PRKD1: variants seen among roughly 807,000 people sequenced by gnomAD.
PRKD1 encodes the protein protein kinase D1.
PRKD1 carries 63 observed loss-of-function variants against 95.9 expected under a neutral mutation model. The observed-to-expected ratio is 0.66, with a 90% CI of 0.54 to 0.81. The LOEUF is 0.81. Among genes scored for constraint, PRKD1 ranks in the 30% least tolerant of loss-of-function variants. The probability of loss-of-function intolerance (pLI) is 0.00; values close to 1 mark genes in which losing one functional copy is unlikely to be tolerated. For missense variants in PRKD1, 1,048 were observed against 1,165.3 expected, an observed-to-expected ratio of 0.90 and a Z score of 1.47; for synonymous variants, 425 against 423.1, an observed-to-expected ratio of 1.00 and a Z score of -0.05.
intron 1 of PRKD1, among the ~76,000 whole-genome samples, chr14:29,813,191 T>C (rs774524404): frequency 1.7e-3 from 260 of 152,292 alleles, no homozygotes; most frequent in Non-Finnish European, 2.0e-3. Flanking sequence ...AAAAATACTC[T>C]GGAAACTTAA....
intron 2 of PRKD1, among the ~76,000 whole-genome samples, chr14:29,684,343 G>C (rs1273090169): frequency 2.6e-5 from 4 of 151,968 alleles, no homozygotes; most frequent in African/African-American, 7.3e-5. Context: ...CACCATTTTG[G>C]CCAGGCAGAA....
intron 4 of PRKD1, among the ~76,000 whole-genome samples, chr14:29,642,599 CAA>C (rs1429618104): frequency 6.6e-6 from 1 of 152,106 alleles, no homozygotes; most frequent in East Asian, 1.9e-4. Flanking sequence ...CATTATATAT[CAA>C]GTTTATAAGT....
At chr14:29,605,445 CTA>C (rs1413028263) in intron 13 of PRKD1, among the ~76,000 whole-genome samples, 1 of 152,172 alleles carries the variant, frequency 6.6e-6, no homozygotes, top group South Asian at 2.1e-4. Flanking sequence ...TCTCTCCTTT[CTA>C]TGTTTTCATA....
rs184219924 is a variant in PRKD1 at position 29,817,011 on chromosome 14, T to C, written c.265-91337A>G. Among the ~76,000 whole-genome samples, 27 of 152,302 alleles carry C rather than the reference T, an allele frequency of 1.8e-4. No homozygotes were observed. In the East Asian group the frequency reaches 2.3e-3, roughly 13 times the overall value. On this transcript the variant is annotated intron_variant, in intron 1 of 17. Transcript: ENST00000331968. ...AGATGACATATTAAGGCCTGAAGGATTACAATTAATTTTTCCAAATATATA... is the reference window on the plus strand; with the variant it reads ...AGATGACATATTAAGGCCTGAAGGACTACAATTAATTTTTCCAAATATATA...
intron 1 of PRKD1, among the ~76,000 whole-genome samples, chr14:29,729,649 T>C (rs1432501703): frequency 6.6e-6 from 1 of 152,038 alleles, no homozygotes; most frequent in Non-Finnish European, 1.5e-5. Flanking sequence ...CTTAGTTTCA[T>C]GGATTTCTTT....
At chr14:29,843,138 A>G (rs1355588879) in intron 1 of PRKD1, among the ~76,000 whole-genome samples, 1 of 152,196 alleles carries the variant, frequency 6.6e-6, no homozygotes, top group Non-Finnish European at 1.5e-5. Context: ...ATTAAGGTAA[A>G]TGGGTAAGCC....
intron 1 of PRKD1, among the ~76,000 whole-genome samples, chr14:29,743,506 G>T (rs1229850621): frequency 6.6e-6 from 1 of 152,018 alleles, no homozygotes; most frequent in Non-Finnish European, 1.5e-5. Flanking sequence ...TAAATTCATA[G>T]AACATAAAAT....
intron 1 of PRKD1, among the ~76,000 whole-genome samples, 194 bp from the exon 2 acceptor site, chr14:29,725,868 C>A (rs1020072065): frequency 1.3e-5 from 2 of 152,006 alleles, no homozygotes; most frequent in South Asian, 4.1e-4. Context: ...GGAAAGAAAT[C>A]ACATAGATCA....
chr14:29,810,246 T>A (rs1890424725), intron 1 of PRKD1, among the ~76,000 whole-genome samples: 1 of 152,182 alleles, frequency 6.6e-6, no homozygotes, highest in Non-Finnish European at 1.5e-5. Context: ...GAAGTGAACA[T>A]GTGCTACTGG....
chr14:29,659,117 A>G (rs1441467064), intron 4 of PRKD1, among the ~76,000 whole-genome samples: 1 of 152,194 alleles, frequency 6.6e-6, no homozygotes, highest in Non-Finnish European at 1.5e-5. Context: ...AGATCAAGAT[A>G]TATAATATTG....
chr14:29,891,723 T>G (rs959666615), intron 1 of PRKD1, among the ~76,000 whole-genome samples: 7 of 152,228 alleles, frequency 4.6e-5, no homozygotes, highest in African/African-American at 1.7e-4. Flanking sequence ...GGTGAATTTC[T>G]AAACAATGCA....
chr14:29,693,878 A>G (rs996916813), intron 2 of PRKD1, among the ~76,000 whole-genome samples: 1 of 152,154 alleles, frequency 6.6e-6, no homozygotes, highest in East Asian at 1.9e-4. Context: ...TCCATTTTGG[A>G]TAGTCTTTTC....
intron 4 of PRKD1, 130 bp downstream of exon 4, chr14:29,663,569 G>A: frequency 9.5e-7 from 1 of 1,055,128 alleles, no homozygotes; most frequent in Admixed American, 2.3e-5. Context: ...CACAAGCCCT[G>A]AAGAAACACT....
chr14:29,605,913 A>AC (rs1893687197), intron 13 of PRKD1, among the ~76,000 whole-genome samples: 1 of 152,230 alleles, frequency 6.6e-6, no homozygotes. Context: ...CTTCAGAAAA[A>AC]AATACAGCAC....
intron 13 of PRKD1, among the ~76,000 whole-genome samples, chr14:29,620,295 C>T (rs189341494): frequency 3.4e-4 from 52 of 152,014 alleles, no homozygotes; most frequent in African/African-American, 1.2e-3. Flanking sequence ...CACCAAAAAG[C>T]AATGGCAACA....
At chr14:29,831,093 G>C (rs566882282) in intron 1 of PRKD1, among the ~76,000 whole-genome samples, 1 of 152,284 alleles carries the variant, frequency 6.6e-6, no homozygotes, top group African/African-American at 2.4e-5. Flanking sequence ...CATTACATCA[G>C]TAGCTAACAT....
chr14:29,867,597 G>C (rs190744818), intron 1 of PRKD1, among the ~76,000 whole-genome samples: 534 of 152,320 alleles, frequency 3.5e-3, no homozygotes, highest in Admixed American at 6.9e-3. Context: ...TGAAATTTAG[G>C]AAAATGGTAA....
chr14:29,841,303 T>C (rs1359228300), intron 1 of PRKD1, among the ~76,000 whole-genome samples: 2 of 152,058 alleles, frequency 1.3e-5, no homozygotes, highest in Non-Finnish European at 2.9e-5. Context: ...TGGGAAGGCA[T>C]GATTGGTTTT....
At chr14:29,667,934 T>TC (rs2139224286) in intron 2 of PRKD1, among the ~76,000 whole-genome samples, 1 of 150,508 alleles carries the variant, frequency 6.6e-6, no homozygotes, top group African/African-American at 2.5e-5. Context: ...TAAATTTGTT[T>TC]TTTTTTTTTC....
Sources: allele counts gnomAD v4.1 joint callset (sites outside exome capture counted in the v4.1 genomes callset), GRCh38; gene constraint gnomAD v4.1.1; transcripts MANE v1.5; gene names NCBI Gene and HGNC (gene_info 2026-07-23, HGNC 2026-07-21).